The following CAMTA1 variants were observed in gnomAD, a reference collection of about 807,000 sequenced individuals.
CAMTA1 encodes calmodulin-binding transcription activator 1.
A neutral mutation model predicts 170.9 loss-of-function variants in CAMTA1; 27 were observed. That is an observed-to-expected ratio of 0.16 (90% CI 0.12 to 0.22). The LOEUF (loss-of-function observed/expected upper bound fraction) is 0.22, where lower values mean the gene tolerates loss of function less well. Ranked by LOEUF, CAMTA1 falls within the 10% of genes least tolerant of loss-of-function variation. The pLI, the probability that CAMTA1 is intolerant of heterozygous loss-of-function variation, is 1.00. For synonymous variants in CAMTA1, 833 were observed against 891.5 expected (o/e 0.93, Z 1.17); for missense variants, 1,619 against 2,217.2 (o/e 0.73, Z 5.42).
chr1:6,817,497 G>C (rs1307005147), intron 1 of CAMTA1, among the ~76,000 whole-genome samples: 1 of 152,134 alleles, frequency 6.6e-6, no homozygotes, highest in Non-Finnish European at 1.5e-5. Flanking sequence ...TTTTCCTAAG[G>C]TATGATGATT....
intron 9 of CAMTA1, among the ~76,000 whole-genome samples, chr1:7,666,941 T>C (rs1291407764): frequency 6.6e-6 from 1 of 152,090 alleles, no homozygotes; most frequent in Non-Finnish European, 1.5e-5. Context: ...CAGGCTGGAG[T>C]GCAATGGCGC....
chr1:6,877,819 C>T (rs756495704), intron 3 of CAMTA1, among the ~76,000 whole-genome samples: 3 of 152,182 alleles, frequency 2.0e-5, no homozygotes, highest in Admixed American at 6.5e-5. Flanking sequence ...ACCAGAATGA[C>T]TTTTGTCACT....
At chr1:7,492,426 C>G (rs887549980) in intron 6 of CAMTA1, among the ~76,000 whole-genome samples, 1 of 152,114 alleles carries the variant, frequency 6.6e-6, no homozygotes, top group Non-Finnish European at 1.5e-5. Context: ...AGCAAGGGTG[C>G]TCTATGCCCC....
chr1:6,920,354 C>G (rs1306215395), intron 3 of CAMTA1, among the ~76,000 whole-genome samples: 1 of 152,190 alleles, frequency 6.6e-6, no homozygotes. Flanking sequence ...AGGTGGGTTC[C>G]CATGGTCTTG....
chr1:7,579,260 T>G (rs1449488417), intron 6 of CAMTA1, among the ~76,000 whole-genome samples: 1 of 152,248 alleles, frequency 6.6e-6, no homozygotes, highest in Non-Finnish European at 1.5e-5. Context: ...ATTGCATGGT[T>G]GCCGTCCCTG....
chr1:7,089,416 A>C (rs1163419775), intron 3 of CAMTA1, among the ~76,000 whole-genome samples: 1 of 152,156 alleles, frequency 6.6e-6, no homozygotes, highest in African/African-American at 2.4e-5. Flanking sequence ...TTTAGTCAGG[A>C]ACTGCTGCAT....
At chr1:6,875,884 A>G (rs934704796) in intron 3 of CAMTA1, among the ~76,000 whole-genome samples, 4 of 152,224 alleles carry the variant, frequency 2.6e-5, no homozygotes, top group Admixed American at 6.5e-5. Context: ...AGGTCCTTAC[A>G]TTGTGCACAT....
At position 7,173,250 on chromosome 1, in the gene CAMTA1, G is replaced by A. The variant is rs1650041061; in HGVS notation, c.303-76241G>A. Among the ~76,000 whole-genome samples the A allele has an allele frequency of 6.6e-6, 1 of 152,196 alleles. No individual in the cohort carries two copies. Among genetic ancestry groups the A allele is most frequent in the Non-Finnish European group, 1.5e-5 (1 of 68,046 alleles). On this transcript the variant is annotated intron_variant, in intron 4 of 22. Coordinates refer to ENST00000303635, the MANE Select transcript of CAMTA1 (RefSeq NM_015215.4). The surrounding 1 kb of genome is among the most constrained non-coding windows in gnomAD (Gnocchi z 5.4). Reference sequence around the variant, plus strand: ...GCCTCAGGCACATCATCCTAAACTGGGCACGATAATCCCCCTGAGGCGGAG... The same window carrying A: ...GCCTCAGGCACATCATCCTAAACTGAGCACGATAATCCCCCTGAGGCGGAG...
intron 3 of CAMTA1, among the ~76,000 whole-genome samples, chr1:6,876,510 G>A (rs759710961): frequency 6.6e-6 from 1 of 151,948 alleles, no homozygotes; most frequent in Non-Finnish European, 1.5e-5. Flanking sequence ...TTACAGGCGT[G>A]TGCCACCGTG....
intron 1 of CAMTA1, among the ~76,000 whole-genome samples, chr1:6,799,957 T>G (rs1363105769): frequency 6.6e-6 from 1 of 152,174 alleles, no homozygotes; most frequent in Non-Finnish European, 1.5e-5. Flanking sequence ...TAACTGTATC[T>G]TTTCCTTTTG....
intron 11 of CAMTA1, among the ~76,000 whole-genome samples, chr1:7,697,235 G>C (rs1362265911): frequency 6.6e-6 from 1 of 152,008 alleles, no homozygotes. Flanking sequence ...GGTGATTTCC[G>C]GGTTCTATCC....
chr1:7,487,185 G>A (rs887913775), intron 6 of CAMTA1, among the ~76,000 whole-genome samples: 3 of 152,182 alleles, frequency 2.0e-5, no homozygotes, highest in Non-Finnish European at 2.9e-5. Flanking sequence ...TGTAGCAAGT[G>A]CATGAAGGCC....
intron 5 of CAMTA1, among the ~76,000 whole-genome samples, chr1:7,389,029 G>T (rs780132070): frequency 6.6e-6 from 1 of 152,228 alleles, no homozygotes; most frequent in Non-Finnish European, 1.5e-5. Flanking sequence ...CACTGAGTAG[G>T]CACTGCACGG....
intron 5 of CAMTA1, among the ~76,000 whole-genome samples, chr1:7,334,335 G>A (rs1376359300): frequency 6.6e-6 from 1 of 152,188 alleles, no homozygotes; most frequent in Non-Finnish European, 1.5e-5. Context: ...TCCATTCCTT[G>A]GCAACATTTT....
chr1:7,678,439 G>A (rs1046953453), intron 11 of CAMTA1, among the ~76,000 whole-genome samples: 3 of 152,256 alleles, frequency 2.0e-5, no homozygotes, highest in African/African-American at 7.2e-5. Context: ...GTCAAGGAGA[G>A]GCAGGGACTC....
intron 18 of CAMTA1, 24 bp from the exon 19 acceptor site, chr1:7,747,686 T>C: frequency 6.5e-7 from 1 of 1,546,572 alleles, no homozygotes; most frequent in African/African-American, 1.4e-5. Context: ...TACTGATTTT[T>C]TTTCTCCTTA....
chr1:6,963,851 G>A (rs1691011046), intron 3 of CAMTA1, among the ~76,000 whole-genome samples: 1 of 152,234 alleles, frequency 6.6e-6, no homozygotes, highest in Admixed American at 6.5e-5. Flanking sequence ...ATGGGAAAGG[G>A]CCAGGGCCCT....
chr1:7,392,854 A>G (rs2088875942), intron 5 of CAMTA1, among the ~76,000 whole-genome samples: 1 of 151,880 alleles, frequency 6.6e-6, no homozygotes, highest in Non-Finnish European at 1.5e-5. Context: ...AGCCTGGACG[A>G]CAGAGACTCT....
At chr1:6,940,811 G>C (rs114193593) in intron 3 of CAMTA1, among the ~76,000 whole-genome samples, 1,011 of 100,776 alleles carry the variant, frequency 0.01, 7 homozygotes, top group African/African-American at 0.035. Context: ...CTTCCTCACC[G>C]ACACCCACCT....
Sources: allele counts gnomAD v4.1 joint callset (sites outside exome capture counted in the v4.1 genomes callset), GRCh38; gene constraint gnomAD v4.1.1; non-coding constraint Gnocchi (gnomAD v3.1); transcripts MANE v1.5; gene names NCBI Gene and HGNC (gene_info 2026-07-23, HGNC 2026-07-21).